ELAPOR2: variants seen among roughly 807,000 people sequenced by gnomAD.
The protein encoded by ELAPOR2 is endosome/lysosome-associated apoptosis and autophagy regulator family member 2.
Under a neutral mutation model 120.7 loss-of-function variants are expected in ELAPOR2, and 89 were observed. That is an observed-to-expected ratio of 0.74 (90% CI 0.62 to 0.88). ELAPOR2 has a LOEUF of 0.88. Ranked by LOEUF, ELAPOR2 falls within the 40% of genes least tolerant of loss-of-function variation. The pLI, the probability that ELAPOR2 is intolerant of heterozygous loss-of-function variation, is 0.00. For synonymous variants in ELAPOR2, 444 were observed against 444.9 expected, an observed-to-expected ratio of 1.00 and a Z score of 0.03; for missense variants, 1,134 against 1,251.6, an observed-to-expected ratio of 0.91 and a Z score of 1.42.
intron 1 of ELAPOR2, among the ~76,000 whole-genome samples, chr7:86,999,625 A>C (rs982024825): frequency 6.6e-6 from 1 of 152,202 alleles, no homozygotes; most frequent in Non-Finnish European, 1.5e-5. Context: ...ACTCAGATTT[A>C]TCCATAACAT....
chr7:86,989,165 G>C (rs914024073), intron 1 of ELAPOR2, among the ~76,000 whole-genome samples: 3 of 152,180 alleles, frequency 2.0e-5, no homozygotes, highest in African/African-American at 7.2e-5. Context: ...TGAGCCACCA[G>C]ATTATAGACT....
intron 1 of ELAPOR2, among the ~76,000 whole-genome samples, chr7:86,987,515 C>A (rs1447695027): frequency 2.6e-5 from 4 of 152,124 alleles, no homozygotes; most frequent in Admixed American, 6.5e-5. Flanking sequence ...AAACAAACAA[C>A]CCTATCGAAA....
At chr7:86,957,384 G>A (rs1257687048) in intron 2 of ELAPOR2, among the ~76,000 whole-genome samples, 4 of 152,114 alleles carry the variant, frequency 2.6e-5, no homozygotes, top group African/African-American at 7.2e-5. Flanking sequence ...TAATTTGGTG[G>A]CACAAAAGTT....
chr7:87,045,547 G>C (rs527580328), intron 1 of ELAPOR2, among the ~76,000 whole-genome samples: 2,301 of 140,656 alleles, frequency 0.016, 66 homozygotes, highest in African/African-American at 0.057. Context: ...TCATAGGTGG[G>C]AATTGAACAG....
At position 86,877,215 on chromosome 7, in the gene ELAPOR2, T is replaced by G. The variant is rs1036609407; in HGVS notation, c.*3256A>C. ...CATTTATGATTCTAAAAGGAACTCA[T>G]GTAAAAATGTTAAAATAAAAGTAAA... is the stretch of plus-strand genomic sequence containing the variant. On this transcript the variant is annotated 3_prime_UTR_variant, in exon 22 of 22. Coordinates refer to ENST00000450689, the MANE Select transcript of ELAPOR2 (RefSeq NM_001142749.3). 1 of 152,172 alleles carries G rather than the reference T, an allele frequency of 6.6e-6. No homozygotes were observed. The highest frequency in any genetic ancestry group is 1.9e-4 in the East Asian group (1 of 5,202). The allele number at this position is 152,172 out of a possible 1,614,324, so 9.4% of individuals were successfully genotyped here.
chr7:86,959,231 A>T lies in ELAPOR2; in HGVS notation c.310+5673T>A, dbSNP rs147763875. Among the ~76,000 whole-genome samples the T allele has an allele frequency of 5.3e-3, 809 of 152,262 alleles. 24 individuals are homozygous for T. Among genetic ancestry groups the T allele is most frequent in the Admixed American group, 0.048 (726 of 15,278 alleles). On this transcript the variant is annotated intron_variant, in intron 2 of 21. Coordinates refer to ENST00000450689, the MANE Select transcript of ELAPOR2 (RefSeq NM_001142749.3). ...TTTTGTGTATGTGTGTGGAGTCTCT[A>T]GGGTTTTCTAGACATCAGATCATGT... is the stretch of plus-strand genomic sequence containing the variant.
In ELAPOR2 at chr7:87,000,860, G is replaced by T. The variant is rs535787475; in HGVS notation, c.190-35836C>A. On this transcript the variant is annotated intron_variant, in intron 1 of 21. Coordinates refer to ENST00000450689, the MANE Select transcript of ELAPOR2 (RefSeq NM_001142749.3). ...ATTCTGGAGAGAAGAGAGGGTAACA[G>T]AACAGAATGAGACATTTAAATCTCA... 1.7e-3 allele frequency among the ~76,000 whole-genome samples: 266 copies of T among 152,288 alleles called. 1 individual carries two copies. Among genetic ancestry groups the T allele is most frequent in the Non-Finnish European group, 3.1e-3 (213 of 68,012 alleles).
intron 1 of ELAPOR2, among the ~76,000 whole-genome samples, chr7:86,991,821 C>T (rs1450516286): frequency 1.3e-5 from 2 of 151,764 alleles, no homozygotes; most frequent in Non-Finnish European, 2.9e-5. Flanking sequence ...GTCAGCAAGA[C>T]AAAATTAACT....
intron 1 of ELAPOR2, among the ~76,000 whole-genome samples, chr7:87,045,688 G>A (rs1794931280): frequency 2.6e-5 from 4 of 151,730 alleles, no homozygotes; most frequent in Admixed American, 1.3e-4. Flanking sequence ...CAGCGCACCA[G>A]CATGGCACAT....
intron 5 of ELAPOR2, chr7:86,941,277 T>G (rs999418414): frequency 1.9e-6 from 1 of 523,174 alleles, no homozygotes; most frequent in Non-Finnish European, 3.9e-6. Flanking sequence ...AAACCGGAGT[T>G]AGATATTAAA....
At chr7:86,992,704 A>G (rs1792984832) in intron 1 of ELAPOR2, among the ~76,000 whole-genome samples, 1 of 152,214 alleles carries the variant, frequency 6.6e-6, no homozygotes, top group Non-Finnish European at 1.5e-5. Flanking sequence ...CTTTCCCAGT[A>G]GAGTCTGATC....
chr7:86,885,035 C>A (rs1446091393), intron 21 of ELAPOR2, among the ~76,000 whole-genome samples: 2 of 152,078 alleles, frequency 1.3e-5, no homozygotes, highest in African/African-American at 4.8e-5. Flanking sequence ...ATTGGGTTTA[C>A]AACGCGGAAG....
Position 86,897,704 on chromosome 7 carries a change from ACC to A in ELAPOR2, c.2559-74_2559-73del. On this transcript the variant is annotated intron_variant, in intron 18 of 21. Coordinates refer to ENST00000450689, the MANE Select transcript of ELAPOR2 (RefSeq NM_001142749.3). ...ACCCATTCAATCCACTCTAATCAAC[ACC>A]AGAATACCTATCACATGCTGGGGAG... 5 of 1,534,406 alleles carry A rather than the reference ACC, an allele frequency of 3.3e-6. 1 individual carries two copies. The South Asian group carries it at 4.6e-5, about 14-fold the overall frequency.
At chr7:87,037,838 T>C (rs1421074799) in intron 1 of ELAPOR2, among the ~76,000 whole-genome samples, 1 of 152,224 alleles carries the variant, frequency 6.6e-6, no homozygotes, top group African/African-American at 2.4e-5. Flanking sequence ...GTGGTCTCTG[T>C]GCATCCTGTA....
intron 1 of ELAPOR2, among the ~76,000 whole-genome samples, chr7:86,976,515 C>T (rs1792289051): frequency 1.3e-5 from 2 of 152,084 alleles, no homozygotes; most frequent in African/African-American, 4.8e-5. Flanking sequence ...TGAACTAAAC[C>T]CTGAGTATTG....
chr7:87,053,168 G>A (rs576393241), intron 1 of ELAPOR2, among the ~76,000 whole-genome samples: 1 of 152,240 alleles, frequency 6.6e-6, no homozygotes, highest in East Asian at 1.9e-4. Flanking sequence ...AGAATTAAAT[G>A]TACCATAAAG....
chr7:86,967,114 G>A (rs1283720365), intron 1 of ELAPOR2, among the ~76,000 whole-genome samples: 1 of 152,128 alleles, frequency 6.6e-6, no homozygotes, highest in Admixed American at 6.6e-5. Flanking sequence ...GGCCTGCCAT[G>A]TATTTGCATA....
chr7:86,938,877 GAC>G lies in ELAPOR2; in HGVS notation c.929_930del (p.Cys310SerfsTer7), dbSNP rs1281501823. 6.2e-7 allele frequency: 1 copy of G among 1,613,364 alleles called. No individual in the cohort carries two copies. Among genetic ancestry groups the G allele is most frequent in the African/African-American group, 1.3e-5 (1 of 74,948 alleles). ...NKPGSFNCQV[C>X]PRNTYSEKGA... ...CCTTTCTCAGAATAGGTGTTTCTGG[GAC>G]ACACCTGGCAGTTGAATGAACCTGG... On this transcript the variant is annotated frameshift_variant, in exon 7 of 22. Coordinates refer to ENST00000450689, the MANE Select transcript of ELAPOR2 (RefSeq NM_001142749.3). LOFTEE classifies it high-confidence loss of function.
At position 86,877,684 on chromosome 7, in the gene ELAPOR2, T is replaced by C. The variant is rs1799219266; in HGVS notation, c.*2787A>G. 6.6e-6 allele frequency: 1 copy of C among 152,072 alleles called. No individual in the cohort carries two copies. Among genetic ancestry groups the C allele is most frequent in the African/African-American group, 2.4e-5 (1 of 41,396 alleles). The allele number at this position is 152,072 out of a possible 1,614,324, so 9.4% of individuals were successfully genotyped here. A position where few individuals can be genotyped will look rare whatever the true frequency, so the allele number is the denominator to read the frequency against. On this transcript the variant is annotated 3_prime_UTR_variant, in exon 22 of 22. Coordinates refer to ENST00000450689, the MANE Select transcript of ELAPOR2 (RefSeq NM_001142749.3). ...GGCAAGATGGGTCTTGAAGAAGCAG[T>C]CAATCATGACCCACCTGGGGACCTG...
Sources: allele counts gnomAD v4.1 joint callset (sites outside exome capture counted in the v4.1 genomes callset), GRCh38; gene constraint gnomAD v4.1.1; transcripts MANE v1.5; gene names NCBI Gene and HGNC (gene_info 2026-07-23, HGNC 2026-07-21).